Variants in CCDC14 observed in about 807,000 individuals in gnomAD.
CCDC14 encodes coiled-coil domain containing 14.
CCDC14 carries 71 observed loss-of-function variants against 81.4 expected under a neutral mutation model. The ratio of observed to expected loss-of-function variants is 0.87; its 90% CI spans 0.72 to 1.06. The LOEUF (loss-of-function observed/expected upper bound fraction) is 1.06, where lower values mean the gene tolerates loss of function less well. CCDC14 is among the 50% of genes least tolerant of loss of function. CCDC14 has a pLI of 0.00. For synonymous variants in CCDC14, 332 were observed against 364.8 expected (o/e 0.91, Z 1.03); for missense variants, 1,046 against 1,047.3 (o/e 1.00, Z 0.02).
chr3:123,938,510 G>C (rs933324380), intron 9 of CCDC14, among the ~76,000 whole-genome samples: 1 of 151,748 alleles, frequency 6.6e-6, no homozygotes, highest in African/African-American at 2.4e-5. Context: ...AGATTCCATA[G>C]GATCTTCTAC....
intron 12 of CCDC14, 61 bp from the exon 13 acceptor site, chr3:123,915,779 T>C: frequency 8.1e-7 from 1 of 1,236,874 alleles, no homozygotes; most frequent in Middle Eastern, 2.0e-4. Context: ...AATTCACTTA[T>C]CTATACCTCC....
the CCDC14 span, among the ~76,000 whole-genome samples, chr3:123,888,261 T>C: frequency 6.6e-6 from 1 of 152,210 alleles, no homozygotes; most frequent in Non-Finnish European, 1.5e-5. Flanking sequence ...TTCACTTTGT[T>C]GTAGTAGCTA....
intron 12 of CCDC14, among the ~76,000 whole-genome samples, chr3:123,916,634 C>T (rs1258882707): frequency 6.6e-6 from 1 of 152,024 alleles, no homozygotes; most frequent in African/African-American, 2.4e-5. Flanking sequence ...AATCCCAGTG[C>T]CATCATTAGC....
At chr3:123,890,257 T>C in the CCDC14 span, among the ~76,000 whole-genome samples, 1 of 152,168 alleles carries the variant, frequency 6.6e-6, no homozygotes, top group Non-Finnish European at 1.5e-5. Flanking sequence ...AGCCAAACCA[T>C]ATTATTCTGC....
chr3:123,898,435 T>C (rs1482234372), intron 5 of CCDC14, among the ~76,000 whole-genome samples: 1 of 152,168 alleles, frequency 6.6e-6, no homozygotes, highest in African/African-American at 2.4e-5. Context: ...TTATTCTGCA[T>C]TGCCTCTTTT....
chr3:123,902,246 C>G (rs2034192911), intron 5 of CCDC14, among the ~76,000 whole-genome samples: 1 of 152,192 alleles, frequency 6.6e-6, no homozygotes, highest in African/African-American at 2.4e-5. Context: ...GGTAACCAAA[C>G]AGCAGAGGTG....
Position 123,914,520 on chromosome 3 carries a change from T to A in CCDC14, c.*259A>T. 1 of 1,100,314 alleles carries A rather than the reference T, an allele frequency of 9.1e-7. No individual in the cohort carries two copies. The allele number at this position is 1,100,314 out of a possible 1,614,324, so 68.2% of individuals were successfully genotyped here. On this transcript the variant is annotated 3_prime_UTR_variant, in exon 13 of 13. Transcript: ENST00000409697. ...ATCTTAATAAAAGAACTCTAATTGC[T>A]AAGTACTGAAATAAAACATTACTTA...
intron 5 of CCDC14, among the ~76,000 whole-genome samples, chr3:123,898,503 T>C (rs189690953): frequency 2.6e-5 from 4 of 152,278 alleles, no homozygotes; most frequent in Admixed American, 2.0e-4. Context: ...GACTGTGAGC[T>C]GTGACCCATG....
chr3:123,956,889 T>C, intron 1 of CCDC14, 94 bp from the exon 2 acceptor site: 1 of 786,832 alleles, frequency 1.3e-6, no homozygotes, highest in Non-Finnish European at 2.0e-6. Flanking sequence ...TTTTTTTCTT[T>C]TATTCATCTT....
chr3:123,959,127 A>C (rs1393593358), intron 1 of CCDC14, among the ~76,000 whole-genome samples: 1 of 152,148 alleles, frequency 6.6e-6, no homozygotes, highest in South Asian at 2.1e-4. Context: ...TCTCTTCTAT[A>C]TCCTGATTTC....
intron 5 of CCDC14, chr3:123,953,786 T>C (rs775411549): frequency 5.3e-5 from 8 of 151,774 alleles, no homozygotes; most frequent in Non-Finnish European, 8.8e-5. Flanking sequence ...GCGTATTCTA[T>C]AAACAGTATC....
rs566504360 is a variant in CCDC14, at chr3:123,948,599, T to G, written c.684+92A>C. The G allele has an allele frequency of 3.2e-6, 3 of 935,722 alleles. No individual in the cohort carries two copies. In the African/African-American group the frequency reaches 5.2e-5, roughly 16 times the overall value. 58.0% of individuals were successfully genotyped at this position (935,722 alleles called of 1,614,324 possible). On this transcript the variant is annotated intron_variant, in intron 7 of 12. Transcript: ENST00000409697. ...TAAACAACTGGTCTTTAAATCCTAG[T>G]GCATTAAGTTATAAGCAATAAATTC...
At chr3:123,930,933 A>C (rs1040852014) in intron 12 of CCDC14, 169 bp downstream of exon 12, 20 of 601,224 alleles carry the variant, frequency 3.3e-5, no homozygotes, top group Non-Finnish European at 5.3e-5. Flanking sequence ...TGAAATTCCT[A>C]AACTAATTTA....
chr3:123,921,178 T>A (rs2035022932), intron 12 of CCDC14, among the ~76,000 whole-genome samples: 1 of 152,194 alleles, frequency 6.6e-6, no homozygotes, highest in South Asian at 2.1e-4. Context: ...AAAATGGCAG[T>A]AGCAAGTCCT....
At chr3:123,955,281 A>C (rs1378929472) in intron 5 of CCDC14, 2 of 152,032 alleles carry the variant, frequency 1.3e-5, no homozygotes, top group South Asian at 4.1e-4. Flanking sequence ...CCAAGGGACA[A>C]CATAATCAAA....
In CCDC14 at chr3:123,931,505, T is replaced by C. The variant is rs1189987538; in HGVS notation, c.1448A>G (p.Asn483Ser). ...NLELFSLQSL[N>S]MSLQNQLEES... The stretch of plus-strand genomic sequence containing the variant: ...CTCCAATTGATTTTGCAGTGACATA[T>C]TCAATGACTGAAGAGAAAACACTGT... Residue 483 changes from asparagine (N) to serine (S), a missense_variant, in exon 11 of 13, where the codon AAT becomes AGT. Asn to Ser is a conservative substitution (Grantham distance 46, BLOSUM62 1). Coordinates refer to ENST00000409697, the MANE Select transcript of CCDC14 (RefSeq NM_001366335.1). The C allele has an allele frequency of 6.4e-7, 1 of 1,561,348 alleles. No individual in the cohort carries two copies. Among genetic ancestry groups the C allele is most frequent in the Non-Finnish European group, 8.7e-7 (1 of 1,151,076 alleles).
the CCDC14 span, among the ~76,000 whole-genome samples, chr3:123,889,533 C>G: frequency 6.6e-6 from 1 of 152,222 alleles, no homozygotes; most frequent in East Asian, 1.9e-4. Flanking sequence ...GAATTCATGT[C>G]TCACATCCAG....
intron 12 of CCDC14, among the ~76,000 whole-genome samples, chr3:123,927,115 A>G (rs1046941393): frequency 2.0e-4 from 30 of 152,252 alleles, no homozygotes; most frequent in Middle Eastern, 3.4e-3. Context: ...TTTTGTTTTA[A>G]TGTAAAGAAC....
At chr3:123,898,904 G>C (rs1390346992) in intron 5 of CCDC14, among the ~76,000 whole-genome samples, 3 of 137,490 alleles carry the variant, frequency 2.2e-5, no homozygotes, top group African/African-American at 8.1e-5. Context: ...TTTTTTGGTA[G>C]AGATTGGGTT....
Sources: allele counts gnomAD v4.1 joint callset (sites outside exome capture counted in the v4.1 genomes callset), GRCh38; gene constraint gnomAD v4.1.1; transcripts MANE v1.5; gene names NCBI Gene and HGNC (gene_info 2026-07-23, HGNC 2026-07-21).